PCDH11X: variants seen among roughly 807,000 people sequenced by gnomAD.
PCDH11X encodes the protein protocadherin 11 X-linked, also known as protocadherin-11 X-linked.
PCDH11X carries 18 observed loss-of-function variants against 53.3 expected under a neutral mutation model. That is an observed-to-expected ratio of 0.34 (90% confidence interval 0.23 to 0.50). The LOEUF is 0.50. Among genes scored for constraint, PCDH11X ranks in the 20% least tolerant of loss-of-function variants. PCDH11X has a pLI of 0.98. For synonymous variants in PCDH11X, 279 were observed against 393.3 expected (o/e 0.71, Z 3.44); for missense variants, 570 against 1,032.4 (o/e 0.55, Z 6.14).
chrX:92,196,879 A>G, intron 6 of PCDH11X, among the ~76,000 whole-genome samples: 1 of 111,108 alleles, frequency 9.0e-6, no homozygotes, highest in African/African-American at 3.3e-5. Flanking sequence ...AGAGAGAGAG[A>G]AAGAATGAAT....
At chrX:92,379,981 C>T (rs1228740252) in intron 8 of PCDH11X, among the ~76,000 whole-genome samples, 1 of 101,282 alleles carries the variant, frequency 9.9e-6, no homozygotes, top group South Asian at 4.4e-4. Context: ...CACCACCCCC[C>T]CCACCCCAAC....
intron 6 of PCDH11X, among the ~76,000 whole-genome samples, chrX:91,974,477 T>G (rs184732327): frequency 0.016 from 1,801 of 111,582 alleles, 45 homozygotes; most frequent in African/African-American, 0.056. Context: ...GTCAAGTAAA[T>G]ATCCAGGGGA....
chrX:92,350,643 A>G (rs12851332), intron 8 of PCDH11X, among the ~76,000 whole-genome samples: 14 of 111,398 alleles, frequency 1.3e-4, no homozygotes, highest in Admixed American at 1.2e-3. Flanking sequence ...TTTCCTCAGG[A>G]TGTCTATGGA....
rs753191670 is a variant in PCDH11X, at chrX:91,897,616, TA to T, written c.3033+18344del. Among the ~76,000 whole-genome samples the T allele has an allele frequency of 3.0e-5, 3 of 99,041 alleles. No individual in the cohort carries two copies. The South Asian group carries it at 1.6e-3, about 52-fold the overall frequency. 86.0% of individuals were successfully genotyped at this position (99,041 alleles called of 115,157 possible). On this transcript the variant is annotated intron_variant, in intron 6 of 10. Coordinates refer to ENST00000682573, the MANE Select transcript of PCDH11X (RefSeq NM_032968.5). ...TTGCTTATATAACATAAATTGGAAATATATTTTGTTTCTGGATTGTGCTTCC... is the reference window on the plus strand; with the variant it reads ...TTGCTTATATAACATAAATTGGAAATTATTTTGTTTCTGGATTGTGCTTCC...
At chrX:91,795,970 G>T (rs751266937) in intron 1 of PCDH11X, among the ~76,000 whole-genome samples, 6 of 111,730 alleles carry the variant, frequency 5.4e-5, no homozygotes, top group African/African-American at 1.6e-4. Context: ...AAAGGTGTTT[G>T]CTCTATTGCT....
chrX:91,960,810 T>C (rs1447351847), intron 6 of PCDH11X, among the ~76,000 whole-genome samples: 1 of 111,493 alleles, frequency 9.0e-6, no homozygotes, highest in Non-Finnish European at 1.9e-5. Flanking sequence ...AGGGTCTTGC[T>C]ATCCAGTTTC....
chrX:91,824,455 A>G (rs1358918058), intron 4 of PCDH11X, among the ~76,000 whole-genome samples: 1 of 110,777 alleles, frequency 9.0e-6, no homozygotes, highest in African/African-American at 3.3e-5. Context: ...CCTTTCTTCC[A>G]GTTGATCGCA....
intron 1 of PCDH11X, among the ~76,000 whole-genome samples, chrX:91,782,046 A>T (rs1405202950): frequency 9.2e-6 from 1 of 108,868 alleles, no homozygotes; most frequent in Admixed American, 9.6e-5. Flanking sequence ...AGCTGCAGAG[A>T]GGCTTGGCCC....
intron 10 of PCDH11X, among the ~76,000 whole-genome samples, chrX:92,539,690 A>G (rs978424773): frequency 1.3e-4 from 15 of 111,687 alleles, no homozygotes; most frequent in African/African-American, 4.9e-4. Context: ...TTAAAGATAT[A>G]TATTTATTGT....
intron 7 of PCDH11X, among the ~76,000 whole-genome samples, chrX:92,237,348 T>C (rs776716082): frequency 9.0e-6 from 1 of 110,941 alleles, no homozygotes; most frequent in African/African-American, 3.3e-5. Context: ...TCATATCTGC[T>C]AATTTTACCT....
intron 6 of PCDH11X, among the ~76,000 whole-genome samples, chrX:91,948,878 T>TGATAAGATATAGAAGGTGAG (rs2061606405): frequency 9.1e-6 from 1 of 110,249 alleles, no homozygotes; most frequent in East Asian, 2.9e-4. Flanking sequence ...CAGGCCAGGA[T>TGATAAGATATAGAAGGTGAG]GATAAGATAT....
At chrX:92,302,846 A>G (rs767310854) in intron 8 of PCDH11X, among the ~76,000 whole-genome samples, 4 of 111,581 alleles carry the variant, frequency 3.6e-5, no homozygotes, top group African/African-American at 1.3e-4. Flanking sequence ...AAGAATAGAT[A>G]GAGAATGAAT....
intron 6 of PCDH11X, among the ~76,000 whole-genome samples, chrX:92,182,485 A>G (rs2066013612): frequency 9.0e-6 from 1 of 111,118 alleles, no homozygotes; most frequent in Non-Finnish European, 1.9e-5. Flanking sequence ...TGAGAACATG[A>G]GGTTTGGAAG....
chrX:92,278,750 G>A (rs952255922), intron 8 of PCDH11X, among the ~76,000 whole-genome samples: 1 of 109,006 alleles, frequency 9.2e-6, no homozygotes, highest in African/African-American at 3.4e-5. Flanking sequence ...ATCCGTGCAA[G>A]TCACAGGGGA....
At chrX:92,426,884 C>T (rs1025384587) in intron 9 of PCDH11X, among the ~76,000 whole-genome samples, 5 of 110,730 alleles carry the variant, frequency 4.5e-5, no homozygotes, top group African/African-American at 1.6e-4. Context: ...ATGACCTGCC[C>T]AAGGTAGCCC....
intron 10 of PCDH11X, among the ~76,000 whole-genome samples, chrX:92,525,446 C>A (rs2074432682): frequency 9.2e-6 from 1 of 109,247 alleles, no homozygotes; most frequent in African/African-American, 3.3e-5. Flanking sequence ...GCCTGACCAA[C>A]ATGGTGAAAC....
chrX:92,244,230 C>CT (rs1221507602), intron 7 of PCDH11X, among the ~76,000 whole-genome samples: 2 of 109,069 alleles, frequency 1.8e-5, no homozygotes, highest in East Asian at 2.9e-4. Flanking sequence ...ATGAACCTAG[C>CT]TTTTTTACTT....
intron 6 of PCDH11X, among the ~76,000 whole-genome samples, chrX:92,190,130 T>C: frequency 8.9e-6 from 1 of 112,092 alleles, no homozygotes. Flanking sequence ...TCATGAAATC[T>C]TTGCCTGTGC....
At chrX:92,088,220 T>C (rs1253373713) in intron 6 of PCDH11X, among the ~76,000 whole-genome samples, 1 of 110,685 alleles carries the variant, frequency 9.0e-6, no homozygotes, top group Non-Finnish European at 1.9e-5. Context: ...TTAGGATATA[T>C]AACTCTGAGC....
Sources: allele counts gnomAD v4.1 joint callset (sites outside exome capture counted in the v4.1 genomes callset), GRCh38; gene constraint gnomAD v4.1.1; transcripts MANE v1.5; gene names NCBI Gene and HGNC (gene_info 2026-07-23, HGNC 2026-07-21).